The following LRMDA variants were observed in gnomAD, a reference collection of about 807,000 sequenced individuals.
LRMDA encodes leucine rich melanocyte differentiation associated, also known as leucine-rich melanocyte differentiation-associated protein.
A neutral mutation model predicts 29.8 loss-of-function variants in LRMDA; 18 were observed. The observed-to-expected ratio is 0.60, with a 90% CI of 0.42 to 0.90. The LOEUF (loss-of-function observed/expected upper bound fraction) is 0.90. LRMDA is among the 40% of genes least tolerant of loss of function. The pLI is 0.00. For synonymous variants in LRMDA, 125 were observed against 109.4 expected (o/e 1.14, Z -0.89); for missense variants, 273 against 273.9 (o/e 1.00, Z 0.02).
At chr10:76,030,177 T>G (rs1052777832) in intron 2 of LRMDA, among the ~76,000 whole-genome samples, 4 of 152,196 alleles carry the variant, frequency 2.6e-5, no homozygotes, top group African/African-American at 9.6e-5. Context: ...TTCATGTTCT[T>G]CTATTTCTTA....
chr10:76,451,908 C>T (rs966251060), intron 6 of LRMDA, among the ~76,000 whole-genome samples: 6 of 152,102 alleles, frequency 3.9e-5, no homozygotes, highest in African/African-American at 9.7e-5. Flanking sequence ...CTGCCCACCT[C>T]GGCCTCCCAA....
At chr10:75,454,816 A>C (rs182010978) in intron 2 of LRMDA, among the ~76,000 whole-genome samples, 1 of 152,180 alleles carries the variant, frequency 6.6e-6, no homozygotes. Flanking sequence ...GGCAAGAAAA[A>C]AATCAGCCTT....
At chr10:76,324,584 G>A (rs1840812140) in intron 6 of LRMDA, 99 bp downstream of exon 6, 1 of 1,035,120 alleles carries the variant, frequency 9.7e-7, no homozygotes, top group African/African-American at 1.6e-5. Context: ...ACTTTAGAAA[G>A]AACACAGTGC....
At chr10:76,040,396 A>G (rs766389919) in intron 3 of LRMDA, among the ~76,000 whole-genome samples, 2 of 151,802 alleles carry the variant, frequency 1.3e-5, no homozygotes, top group South Asian at 2.1e-4. Context: ...CCTTTTTCTC[A>G]TTGTGTTCAG....
intron 2 of LRMDA, among the ~76,000 whole-genome samples, chr10:75,640,278 T>C (rs1335775473): frequency 6.6e-6 from 1 of 152,210 alleles, no homozygotes; most frequent in Non-Finnish European, 1.5e-5. Flanking sequence ...AAGATGCTGC[T>C]TCCCCCCATT....
chr10:76,079,693 G>A (rs1379104690), intron 5 of LRMDA, among the ~76,000 whole-genome samples: 1 of 152,188 alleles, frequency 6.6e-6, no homozygotes, highest in Non-Finnish European at 1.5e-5. Flanking sequence ...AGTAGTGAAA[G>A]TATTTCCTTC....
intron 6 of LRMDA, chr10:76,438,786 C>G (rs1013910048): frequency 6.6e-6 from 1 of 152,132 alleles, no homozygotes; most frequent in African/African-American, 2.4e-5. Flanking sequence ...GTTAAGAAAG[C>G]TATTTCTCAT....
chr10:76,000,137 A>G (rs1424367468), intron 2 of LRMDA, among the ~76,000 whole-genome samples: 3 of 152,142 alleles, frequency 2.0e-5, no homozygotes, highest in Non-Finnish European at 4.4e-5. Flanking sequence ...ATTTTAGGAT[A>G]AAAATGTTTT....
At chr10:76,044,887 C>T (rs926372620) in intron 3 of LRMDA, among the ~76,000 whole-genome samples, 3 of 152,206 alleles carry the variant, frequency 2.0e-5, no homozygotes, top group Non-Finnish European at 4.4e-5. Context: ...CTTTCTTTTG[C>T]TAGTTTCCCC....
At chr10:75,916,362 G>T (rs1845934816) in intron 2 of LRMDA, among the ~76,000 whole-genome samples, 2 of 152,090 alleles carry the variant, frequency 1.3e-5, no homozygotes, top group South Asian at 4.2e-4. Context: ...ATTGCTGGCT[G>T]GGCTCCTCAG....
chr10:75,911,999 G>A (rs1040402969), intron 2 of LRMDA, among the ~76,000 whole-genome samples: 3 of 152,144 alleles, frequency 2.0e-5, no homozygotes, highest in Admixed American at 6.5e-5. Flanking sequence ...TTGGGACAGG[G>A]AAGGTGATAA....
chr10:76,369,858 C>T (rs1401024054), intron 6 of LRMDA, among the ~76,000 whole-genome samples: 2 of 152,140 alleles, frequency 1.3e-5, no homozygotes, highest in Non-Finnish European at 2.9e-5. Flanking sequence ...AGTGGCTTAA[C>T]TTAAGGGTTC....
chr10:75,661,004 G>A (rs962651605), intron 2 of LRMDA, among the ~76,000 whole-genome samples: 2 of 152,044 alleles, frequency 1.3e-5, no homozygotes, highest in Non-Finnish European at 2.9e-5. Context: ...AACGCCAGCG[G>A]GACAGAGCCA....
chr10:76,002,359 G>A (rs896636096), intron 2 of LRMDA, among the ~76,000 whole-genome samples: 2 of 152,222 alleles, frequency 1.3e-5, no homozygotes, highest in African/African-American at 4.8e-5. Flanking sequence ...AATTTGAGGA[G>A]GTTGCGGGGT....
At chr10:76,128,299 T>C (rs1849921883) in intron 5 of LRMDA, among the ~76,000 whole-genome samples, 1 of 152,144 alleles carries the variant, frequency 6.6e-6, no homozygotes, top group Non-Finnish European at 1.5e-5. Context: ...GCCGCAGTGT[T>C]CCTGCTGGAT....
chr10:76,254,340 C>CATACTATCCT (rs759692334), intron 5 of LRMDA, among the ~76,000 whole-genome samples: 1 of 90,146 alleles, frequency 1.1e-5, no homozygotes, highest in African/African-American at 3.4e-5. Flanking sequence ...CATACCATAC[C>CATACTATCCT]ATCCTATCCT....
chr10:75,882,003 G>A (rs1845303046), intron 2 of LRMDA, among the ~76,000 whole-genome samples: 1 of 152,214 alleles, frequency 6.6e-6, no homozygotes, highest in Non-Finnish European at 1.5e-5. Flanking sequence ...CTGATGAAGT[G>A]TTGGCTCACC....
At chr10:76,176,724 C>T (rs775457686) in intron 5 of LRMDA, among the ~76,000 whole-genome samples, 4 of 152,256 alleles carry the variant, frequency 2.6e-5, no homozygotes, top group East Asian at 1.9e-4. Flanking sequence ...ACCTGGGAGG[C>T]GGAGGTTGCA....
intron 2 of LRMDA, among the ~76,000 whole-genome samples, chr10:75,602,785 C>G (rs1268880540): frequency 6.6e-6 from 1 of 152,046 alleles, no homozygotes; most frequent in African/African-American, 2.4e-5. Context: ...GTCATTACAA[C>G]TTTATATATT....
Sources: gnomAD v4.1 joint callset for allele counts (sites outside exome capture counted in the v4.1 genomes callset) on GRCh38, gnomAD v4.1.1 for gene constraint, MANE v1.5 for transcripts, NCBI Gene and HGNC (gene_info 2026-07-23, HGNC 2026-07-21) for gene names.